The following SH3D19 variants were observed in gnomAD, a reference collection of about 807,000 sequenced individuals.
SH3D19 encodes SH3 domain-containing protein 19.
A neutral mutation model predicts 112.1 loss-of-function variants in SH3D19; 58 were observed. The observed-to-expected ratio is 0.52, with a 90% CI of 0.42 to 0.64. SH3D19 has a LOEUF of 0.64. Among genes scored for constraint, SH3D19 ranks in the 30% least tolerant of loss-of-function variants. SH3D19 has a pLI of 0.00. For synonymous variants in SH3D19, 391 were observed against 448.5 expected (o/e 0.87, Z 1.62); for missense variants, 1,090 against 1,263.4 (o/e 0.86, Z 2.08).
At chr4:151,196,494 C>T (rs1184386467) in intron 2 of SH3D19, among the ~76,000 whole-genome samples, 2 of 151,360 alleles carry the variant, frequency 1.3e-5, no homozygotes, top group African/African-American at 4.8e-5. Flanking sequence ...AAAAAATTCT[C>T]AGGGAGAAAA....
At chr4:151,191,945 C>CTTTTTTTT (rs774312602) in intron 2 of SH3D19, among the ~76,000 whole-genome samples, 1 of 28,102 alleles carries the variant, frequency 3.6e-5, no homozygotes. Flanking sequence ...ACACCCAGCC[C>CTTTTTTTT]TTTTTTTTTT....
chr4:151,303,127 C>A (rs1332614465), intron 1 of SH3D19, among the ~76,000 whole-genome samples: 1 of 152,152 alleles, frequency 6.6e-6, no homozygotes, highest in Non-Finnish European at 1.5e-5. Flanking sequence ...GCAGGGAATG[C>A]TAAAGATAGG....
rs199896407 is a variant in SH3D19, at chr4:151,282,226, C to T, written c.112+43015G>A. 144 of 1,613,908 alleles carry T rather than the reference C, an allele frequency of 8.9e-5. No homozygotes were observed. The Admixed American group carries it at 1.6e-3, about 18-fold the overall frequency. ...ACTCAAGGAAACGTGTGAAGTACTA[C>T]GTGTCCAAAATCGTCATCCATCCCA... On this transcript the variant is annotated intron_variant, in intron 1 of 19. Coordinates refer to ENST00000604030, the MANE Select transcript of SH3D19 (RefSeq NM_001378122.1).
intron 1 of SH3D19, among the ~76,000 whole-genome samples, chr4:151,312,610 CAG>C (rs530716410): frequency 3.3e-5 from 5 of 152,214 alleles, no homozygotes; most frequent in Admixed American, 6.5e-5. Context: ...GTTAGAAATG[CAG>C]AGTCGGCCAG....
intron 1 of SH3D19, chr4:151,282,145 T>C (rs764268744): frequency 5.6e-6 from 9 of 1,613,070 alleles, no homozygotes; most frequent in African/African-American, 4.0e-5. Context: ...CTTTTCCCCA[T>C]AGGACCTGGA....
At chr4:151,296,519 C>T (rs1394022619) in intron 1 of SH3D19, among the ~76,000 whole-genome samples, 1 of 152,140 alleles carries the variant, frequency 6.6e-6, no homozygotes, top group East Asian at 1.9e-4. Flanking sequence ...ACACAATAAA[C>T]ATATGCATTC....
intron 1 of SH3D19, chr4:151,282,395 A>C (rs1363780752): frequency 6.2e-7 from 1 of 1,613,788 alleles, no homozygotes; most frequent in Non-Finnish European, 8.5e-7. Flanking sequence ...CGGATGGGGA[A>C]AAGTTAAGGA....
At chr4:151,146,025 C>T (rs1011405761) in intron 11 of SH3D19, among the ~76,000 whole-genome samples, 3 of 152,152 alleles carry the variant, frequency 2.0e-5, no homozygotes, top group African/African-American at 7.2e-5. Context: ...AGTAATCTAT[C>T]CCAAAGAACA....
At chr4:151,229,295 A>C (rs926129771) in intron 1 of SH3D19, among the ~76,000 whole-genome samples, 2 of 152,210 alleles carry the variant, frequency 1.3e-5, no homozygotes, top group African/African-American at 4.8e-5. Flanking sequence ...CATCATTTCT[A>C]TGAAAAAAAG....
chr4:151,141,845 G>A (rs1579738528), intron 12 of SH3D19, among the ~76,000 whole-genome samples: 1 of 152,132 alleles, frequency 6.6e-6, no homozygotes, highest in East Asian at 1.9e-4. Context: ...TCTCCAAATG[G>A]ACCAGAGGCC....
At chr4:151,168,296 G>A (rs1490146392) in intron 7 of SH3D19, among the ~76,000 whole-genome samples, 1 of 152,194 alleles carries the variant, frequency 6.6e-6, no homozygotes, top group Admixed American at 6.5e-5. Context: ...CATGAGTGCA[G>A]CAGGTGAGGC....
intron 2 of SH3D19, among the ~76,000 whole-genome samples, chr4:151,201,376 T>C (rs1383968457): frequency 6.6e-6 from 1 of 152,262 alleles, no homozygotes; most frequent in Non-Finnish European, 1.5e-5. Context: ...ATACAGGGTG[T>C]TAATCAAATT....
At chr4:151,311,377 C>T (rs1299445414) in intron 1 of SH3D19, among the ~76,000 whole-genome samples, 1 of 151,650 alleles carries the variant, frequency 6.6e-6, no homozygotes, top group East Asian at 1.9e-4. Flanking sequence ...GCCTGGGTGA[C>T]ACAGCAAGAC....
At chr4:151,137,913 T>C (rs1174937892) in intron 13 of SH3D19, 51 bp from the exon 14 acceptor site, 5 of 1,506,840 alleles carry the variant, frequency 3.3e-6, no homozygotes, top group East Asian at 2.4e-5. Flanking sequence ...GGTTGCAGAT[T>C]TGATAAAAGC....
intron 9 of SH3D19, among the ~76,000 whole-genome samples, chr4:151,154,014 T>C (rs1579825133): frequency 6.6e-6 from 1 of 152,148 alleles, no homozygotes; most frequent in Admixed American, 6.6e-5. Context: ...CAGGCTGGAG[T>C]GCAGTGGCGC....
chr4:151,322,190 TG>T (rs1294385889), intron 1 of SH3D19, among the ~76,000 whole-genome samples: 1 of 152,072 alleles, frequency 6.6e-6, no homozygotes, highest in Non-Finnish European at 1.5e-5. Context: ...GGCTCACACC[TG>T]TAATTCCAGC....
chr4:151,165,458 A>T (rs1757845761), intron 8 of SH3D19, 131 bp downstream of exon 8: 2 of 682,838 alleles, frequency 2.9e-6, no homozygotes, highest in Non-Finnish European at 4.8e-6. Context: ...GTGAAAAAAC[A>T]ATTTGCTTTT....
At chr4:151,272,504 A>G (rs1358045382) in intron 1 of SH3D19, among the ~76,000 whole-genome samples, 2 of 152,216 alleles carry the variant, frequency 1.3e-5, no homozygotes, top group African/African-American at 4.8e-5. Flanking sequence ...CACACCTGTC[A>G]AGATTAACAA....
intron 1 of SH3D19, chr4:151,279,022 G>A (rs1477257619): frequency 2.5e-5 from 7 of 281,458 alleles, no homozygotes; most frequent in African/African-American, 1.6e-4. Flanking sequence ...CTACCAGCTA[G>A]AGCTCACACT....
Sources: allele counts gnomAD v4.1 joint callset (sites outside exome capture counted in the v4.1 genomes callset), GRCh38; gene constraint gnomAD v4.1.1; transcripts MANE v1.5; gene names NCBI Gene and HGNC (gene_info 2026-07-23, HGNC 2026-07-21).